LIG3: variants seen among roughly 807,000 people sequenced by gnomAD.
The protein encoded by LIG3 is ligase II, DNA, ATP-dependent.
Under a neutral mutation model 110.9 loss-of-function variants are expected in LIG3, and 58 were observed. That is an observed-to-expected ratio of 0.52 (90% CI 0.42 to 0.65). The LOEUF (loss-of-function observed/expected upper bound fraction) is 0.65, where lower values mean the gene tolerates loss of function less well. Ranked by LOEUF, LIG3 falls within the 30% of genes least tolerant of loss-of-function variation. LIG3 has a pLI of 0.00. For missense variants in LIG3, 1,094 were observed against 1,273.8 expected, an observed-to-expected ratio of 0.86 and a Z score of 2.15; for synonymous variants, 422 against 472.8, an observed-to-expected ratio of 0.89 and a Z score of 1.39.
chr17:34,991,251 G>T (rs1481280831), intron 5 of LIG3, 137 bp downstream of exon 5: 3 of 771,108 alleles, frequency 3.9e-6, no homozygotes, highest in Admixed American at 2.9e-5. Flanking sequence ...GCAAGCTTCC[G>T]TTATAGGGGG....
At chr17:34,994,581 T>G in intron 9 of LIG3, 150 bp downstream of exon 9, 1 of 915,718 alleles carries the variant, frequency 1.1e-6, no homozygotes, top group Non-Finnish European at 1.6e-6. Context: ...TATTCATTTT[T>G]GGAGTCTTCC....
intron 5 of LIG3, 150 bp downstream of exon 5, chr17:34,991,264 C>G (rs1338491863): frequency 1.4e-6 from 1 of 705,922 alleles, no homozygotes; most frequent in Non-Finnish European, 2.3e-6. Flanking sequence ...ATAGGGGGAG[C>G]TGAATGTGAG....
At chr17:34,982,963 CTTTTTTT>C (rs3084117) in intron 1 of LIG3, 32 bp from the exon 2 acceptor site, 3 of 1,243,554 alleles carry the variant, frequency 2.4e-6, no homozygotes, top group Non-Finnish European at 2.1e-6. Flanking sequence ...TTGTTTATAT[CTTTTTTT>C]TTTTTTTTTG....
In LIG3 at chr17:34,996,616, G is replaced by T. The variant is rs1216090765; in HGVS notation, c.1786G>T (p.Asp596Tyr). 1.2e-6 allele frequency: 2 copies of T among 1,614,028 alleles called. No homozygotes were observed. The highest frequency in any genetic ancestry group is 2.2e-5 in the East Asian group (1 of 44,882). Residue 596 changes from aspartate (D) to tyrosine (Y), a missense_variant, in exon 11 of 20, where the codon GAT (aspartate) becomes TAT (tyrosine). Coordinates refer to ENST00000378526, the MANE Select transcript of LIG3 (RefSeq NM_013975.4). Reference sequence around the variant, plus strand: ...TGCTAATGTCTGCCTGTTTGTTTTTGATTGTATCTACTTTAATGATGTCAG... The same window carrying T: ...TGCTAATGTCTGCCTGTTTGTTTTTTATTGTATCTACTTTAATGATGTCAG... Reference protein sequence around the residue: ...QDANVCLFVFDCIYFNDVSLM... With the variant: ...QDANVCLFVFYCIYFNDVSLM...
At chr17:34,992,136 C>T in intron 7 of LIG3, 101 bp downstream of exon 7, 1 of 985,054 alleles carries the variant, frequency 1.0e-6, no homozygotes, top group South Asian at 1.3e-5. Flanking sequence ...ATTTGAATCC[C>T]CCTTCCACCT....
chr17:34,982,979 T>TTG, intron 1 of LIG3, 23 bp from the exon 2 acceptor site: 1 of 1,387,342 alleles, frequency 7.2e-7, no homozygotes, highest in Non-Finnish European at 9.6e-7. Flanking sequence ...TTTTTTTTTT[T>TTG]GGCCTCCTAC....
At chr17:34,991,551 T>C (rs573461557) in intron 5 of LIG3, 120 bp from the exon 6 acceptor site, 4 of 947,670 alleles carry the variant, frequency 4.2e-6, no homozygotes, top group South Asian at 3.1e-5. Context: ...GGGCTAGATA[T>C]GTTGAGTTGG....
chr17:34,994,105 C>A, intron 8 of LIG3, 171 bp from the exon 9 acceptor site: 1 of 565,926 alleles, frequency 1.8e-6, no homozygotes, highest in Non-Finnish European at 3.1e-6. Context: ...CATTGCCCAG[C>A]CCTTTCCGTT....
At chr17:34,985,343 A>G (rs999966225) in intron 2 of LIG3, among the ~76,000 whole-genome samples, 1 of 152,238 alleles carries the variant, frequency 6.6e-6, no homozygotes, top group Non-Finnish European at 1.5e-5. Context: ...AAAAATGGGT[A>G]TCTGTCCTTG....
Position 34,989,606 on chromosome 17 carries a change from A to G in LIG3, c.832A>G (p.Ser278Gly), listed in dbSNP as rs557324431. ...KLCAMVADNP[S>G]YNTKTQIIQD... ...ATGCGCCATGGTGGCCGATAATCCTAGCTACAACACGAAGACCCAGATCAT... is the reference window on the plus strand; with the variant it reads ...ATGCGCCATGGTGGCCGATAATCCTGGCTACAACACGAAGACCCAGATCAT... The change falls in exon 4 of 20, where the codon AGC (serine) becomes GGC (glycine). Residue 278 changes from serine to glycine, a missense_variant. Ser to Gly is a moderately conservative substitution (Grantham distance 56). Coordinates refer to ENST00000378526, the MANE Select transcript of LIG3 (RefSeq NM_013975.4). 6.2e-7 allele frequency: 1 copy of G among 1,614,140 alleles called. No individual in the cohort carries two copies. Among genetic ancestry groups the G allele is most frequent in the South Asian group, 1.1e-5 (1 of 91,086 alleles).
chr17:35,001,992 T>C lies in LIG3; in HGVS notation c.2562T>C (p.Ser854=). 1.9e-6 allele frequency: 3 copies of C among 1,612,524 alleles called. No individual in the cohort carries two copies. Among genetic ancestry groups the C allele is most frequent in the Non-Finnish European group, 2.5e-6 (3 of 1,179,382 alleles). The change falls in exon 18 of 20, where the codon AGT becomes AGC. Residue 854 remains serine (S), a synonymous_variant. Transcript: ENST00000378526. ...DEGSSTTGGS[S]EENKGPSGSA... Reference sequence around the variant, plus strand: ...GGAGCTCCACTACAGGGGGTAGCAGTGAAGAGAATAAGGGTCCCTCAGGGT... The same window carrying C: ...GGAGCTCCACTACAGGGGGTAGCAGCGAAGAGAATAAGGGTCCCTCAGGGT...
In LIG3 at chr17:35,002,089, T is replaced by A. The variant is rs2090848903; in HGVS notation, c.2659T>A (p.Ser887Thr). 6.3e-7 allele frequency: 1 copy of A among 1,585,196 alleles called. No individual in the cohort carries two copies. The highest frequency in any genetic ancestry group is 1.4e-5 in the African/African-American group (1 of 73,306). Reference protein sequence around the residue: ...TKKAEGKLSNSNSKDGNMQTA... With the variant: ...TKKAEGKLSNTNSKDGNMQTA... ...GAAAGCAGAAGGGAAGCTGAGTAACTCCAACAGCAAAGATGGTAAGGATAG... is the reference window on the plus strand; with the variant it reads ...GAAAGCAGAAGGGAAGCTGAGTAACACCAACAGCAAAGATGGTAAGGATAG... The change falls in exon 18 of 20, where the codon TCC (serine) becomes ACC (threonine). Residue 887 changes from serine (S) to threonine (T), a missense_variant. By Grantham distance (58) the Ser-to-Thr change is moderately conservative. Transcript: ENST00000378526.
chr17:34,990,981 T>C lies in LIG3; in HGVS notation c.908T>C (p.Val303Ala). The change falls in exon 5 of 20, where the codon GTG (valine) becomes GCG (alanine). Residue 303 changes from valine (V) to alanine (A), a missense_variant. Physicochemically the swap from Val to Ala is moderately conservative, Grantham distance 64 (BLOSUM62 0). Transcript: ENST00000378526. ...TCTCCAGATGGTTTCCACGGTGATG[T>C]GTACCTAACAGTGAAGCTGCTGCTG... ...GSAGDGFHGDVYLTVKLLLPG... is the reference protein window; with the variant it reads ...GSAGDGFHGDAYLTVKLLLPG... The C allele has an allele frequency of 6.2e-7, 1 of 1,614,164 alleles. No individual in the cohort carries two copies. Among genetic ancestry groups the C allele is most frequent in the Middle Eastern group, 1.7e-4 (1 of 6,060 alleles).
Position 34,999,454 on chromosome 17 carries a change from G to A in LIG3, c.2256+5G>A. 1 of 1,613,386 alleles carries A rather than the reference G, an allele frequency of 6.2e-7. No individual in the cohort carries two copies. Among genetic ancestry groups the A allele is most frequent in the Non-Finnish European group, 8.5e-7 (1 of 1,179,578 alleles). ...GACATGGTGAAGATCAGCAAGGTGAGGAAGGGACCTGGTTGGCCATGGCCT... is the reference window on the plus strand; with the variant it reads ...GACATGGTGAAGATCAGCAAGGTGAAGAAGGGACCTGGTTGGCCATGGCCT... On this transcript the variant is annotated splice_donor_5th_base_variant and intron_variant, in intron 15 of 19. Coordinates refer to ENST00000378526, the MANE Select transcript of LIG3 (RefSeq NM_013975.4).
chr17:34,983,304 G>A lies in LIG3; in HGVS notation c.299G>A (p.Arg100His), dbSNP rs758823264. 1.9e-5 allele frequency: 30 copies of A among 1,614,122 alleles called. 1 individual carries two copies. In the South Asian group the frequency reaches 2.1e-4, roughly 11 times the overall value. ...EQRFCVDYAK[R>H]GTAGCKKCKE... is the part of the protein sequence containing the mutation. Reference sequence around the variant, plus strand: ...CGGTTCTGTGTGGACTATGCCAAGCGTGGCACAGCTGGCTGCAAAAAATGC... The same window carrying A: ...CGGTTCTGTGTGGACTATGCCAAGCATGGCACAGCTGGCTGCAAAAAATGC... Residue 100 changes from arginine to histidine, a missense_variant, in exon 2 of 20, where the codon CGT becomes CAT. By Grantham distance (29) the Arg-to-His change is conservative. Transcript: ENST00000378526.
In LIG3 at chr17:34,989,481, C is replaced by T. The variant is rs2090694048; in HGVS notation, c.707C>T (p.Ser236Phe). ...TCTCCAACAGCCAAGCCCAACAACT[C>T]TGGGGAAGCCCCCTCGAGCCCCACC... ...FSGFSAKPNN[S>F]GEAPSSPTPK... The change falls in exon 4 of 20, where the codon TCT (serine) becomes TTT (phenylalanine). Residue 236 changes from serine to phenylalanine, a missense_variant. Coordinates refer to ENST00000378526, the MANE Select transcript of LIG3 (RefSeq NM_013975.4). The T allele has an allele frequency of 6.2e-7, 1 of 1,613,976 alleles. No individual in the cohort carries two copies. The highest frequency in any genetic ancestry group is 8.5e-7 in the Non-Finnish European group (1 of 1,179,962).
chr17:34,992,572 C>A lies in LIG3; in HGVS notation c.1335C>A (p.Arg445=). 1 of 1,613,218 alleles carries A rather than the reference C, an allele frequency of 6.2e-7. No homozygotes were observed. Among genetic ancestry groups the A allele is most frequent in the Non-Finnish European group, 8.5e-7 (1 of 1,179,566 alleles). The change falls in exon 8 of 20, where the codon CGC becomes CGA. Residue 445 remains arginine, a synonymous_variant. Coordinates refer to ENST00000378526, the MANE Select transcript of LIG3 (RefSeq NM_013975.4). The stretch of plus-strand genomic sequence containing the variant: ...CCTATGAAGCCTTCAAAGCCTCGCG[C>A]AACCTGCAGGATGTGGTGGAGCGGG... ...PNAYEAFKAS[R]NLQDVVERVL...
rs143829165 is a variant in LIG3, at chr17:35,004,077, G to A, written c.2797-196G>A. On this transcript the variant is annotated intron_variant, in intron 19 of 19. Transcript: ENST00000378526. ...TCCACTCTCCTTTTCCCCTAGGCAG[G>A]GATGGAGGGGCGTGTCAGTCCTGTA... is the stretch of plus-strand genomic sequence containing the variant. The A allele has an allele frequency of 5.9e-4, 342 of 580,362 alleles. 1 individual carries two copies. The East Asian group carries it at 9.6e-3, about 16-fold the overall frequency. The allele number at this position is 580,362 out of a possible 1,614,324, so 36.0% of individuals were successfully genotyped here.
chr17:34,997,543 C>T, intron 11 of LIG3, 195 bp from the exon 12 acceptor site: 1 of 567,048 alleles, frequency 1.8e-6, no homozygotes, highest in Non-Finnish European at 3.2e-6. Flanking sequence ...TATGCCACAG[C>T]TCACAATTTT....
Sources: allele counts gnomAD v4.1 joint callset (sites outside exome capture counted in the v4.1 genomes callset), GRCh38; gene constraint gnomAD v4.1.1; transcripts MANE v1.5; gene names NCBI Gene and HGNC (gene_info 2026-07-23, HGNC 2026-07-21).